Variants in SELENBP1 observed in about 807,000 individuals in gnomAD.
The protein encoded by SELENBP1 is methanethiol oxidase.
In SELENBP1, 71 loss-of-function variants were observed where a neutral mutation model predicts 61.0. The observed-to-expected ratio is 1.16, with a 90% CI of 0.96 to 1.42. The LOEUF is 1.42. Among genes scored for constraint, SELENBP1 ranks in the 40% most tolerant of loss-of-function variants. SELENBP1 has a pLI of 0.00. For synonymous variants in SELENBP1, 270 were observed against 238.9 expected (o/e 1.13, Z -1.20); for missense variants, 561 against 605.0 (o/e 0.93, Z 0.76).
At position 151,366,564 on chromosome 1, in the gene SELENBP1, C is replaced by T. The variant is rs566747517; in HGVS notation, c.665-111G>A. ...AGGTTAAGAAATGGATTGGAGGGATCAGGAAGACGCTTGAGCAATCTGAGC... is the reference window on the plus strand; with the variant it reads ...AGGTTAAGAAATGGATTGGAGGGATTAGGAAGACGCTTGAGCAATCTGAGC... On this transcript the variant is annotated intron_variant, in intron 6 of 11. Coordinates refer to ENST00000368868, the MANE Select transcript of SELENBP1 (RefSeq NM_003944.4). The T allele has an allele frequency of 1.0e-4, 147 of 1,427,036 alleles. 3 individuals are homozygous for T. In the East Asian group the frequency reaches 1.9e-3, roughly 19 times the overall value. The allele number at this position is 1,427,036 out of a possible 1,614,324, so 88.4% of individuals were successfully genotyped here. A position where few individuals can be genotyped will look rare whatever the true frequency, so the allele number is the denominator to read the frequency against.
At chr1:151,369,228 C>T in intron 3 of SELENBP1, 39 bp from the exon 4 acceptor site, 3 of 1,585,062 alleles carry the variant, frequency 1.9e-6, no homozygotes, top group Non-Finnish European at 2.6e-6. Context: ...CCAGGCCACG[C>T]CTCTGTCCAC....
rs1557844920 is a variant in SELENBP1, at chr1:151,368,320, C to G, written c.361-1G>C. The G allele has an allele frequency of 1.2e-6, 2 of 1,613,942 alleles. No homozygotes were observed. Among genetic ancestry groups the G allele is most frequent in the Admixed American group, 1.7e-5 (1 of 60,002 alleles). On this transcript the variant is annotated splice_acceptor_variant, in intron 4 of 11. Transcript: ENST00000368868. LOFTEE classifies it high-confidence loss of function. ...CATGGATGTCCTTGGGCTCAATGAC[C>G]TGGAAGGGGTGGGGAATGGTGTCAG...
At chr1:151,371,815 C>G (rs994871500) in intron 1 of SELENBP1, among the ~76,000 whole-genome samples, 2 of 151,962 alleles carry the variant, frequency 1.3e-5, no homozygotes, top group African/African-American at 4.8e-5. Flanking sequence ...TAGGGTCAGG[C>G]CTGGCATGCC....
chr1:151,366,243 C>T lies in SELENBP1; in HGVS notation c.843+32G>A, dbSNP rs368338290. 3.1e-6 allele frequency: 5 copies of T among 1,599,952 alleles called. No individual in the cohort carries two copies. The African/African-American group carries it at 6.7e-5, about 21-fold the overall frequency. ...TTAGGTAGAGCTGCTGACAAGACTA[C>T]TGGGAGGGGAGGGCCAGAGGGCGTA... On this transcript the variant is annotated intron_variant, in intron 7 of 11. Transcript: ENST00000368868.
rs373280927 is a variant in SELENBP1 at position 151,369,782 on chromosome 1, T to C, written c.5-13A>G. 156 of 1,551,718 alleles carry C rather than the reference T, an allele frequency of 1.0e-4. No individual in the cohort carries two copies. Among genetic ancestry groups the C allele is most frequent in the Non-Finnish European group, 1.3e-4 (153 of 1,147,088 alleles). On this transcript the variant is annotated splice_polypyrimidine_tract_variant and intron_variant, in intron 1 of 11. Coordinates refer to ENST00000368868, the MANE Select transcript of SELENBP1 (RefSeq NM_003944.4). ...CCACATTTCGTAGCTGTGGAAGCAATGGGGCGCATTGGCTGGGCCACGCTC... is the reference window on the plus strand; with the variant it reads ...CCACATTTCGTAGCTGTGGAAGCAACGGGGCGCATTGGCTGGGCCACGCTC...
chr1:151,366,755 G>T lies in SELENBP1; in HGVS notation c.631C>A (p.Arg211=), dbSNP rs199960402. 9 of 1,614,000 alleles carry T rather than the reference G, an allele frequency of 5.6e-6. No individual in the cohort carries two copies. Among genetic ancestry groups the T allele is most frequent in the Non-Finnish European group, 5.9e-6 (7 of 1,180,022 alleles). ...STEWAAPNVL[R]DGFNPADVEA... is the part of the protein sequence containing the mutation. ...ACATCAGCGGGGTTGAAGCCATCTC[G>T]TAAGACATTGGGAGCTGCCCACTCA... Residue 211 remains arginine (R), a synonymous_variant, in exon 6 of 12, where the codon CGA becomes AGA. Coordinates refer to ENST00000368868, the MANE Select transcript of SELENBP1 (RefSeq NM_003944.4).
At chr1:151,365,503 A>C (rs1404859344) in intron 9 of SELENBP1, 60 bp downstream of exon 9, 10 of 1,608,438 alleles carry the variant, frequency 6.2e-6, no homozygotes, top group Non-Finnish European at 7.6e-6. Context: ...CATCCACCCC[A>C]TCCCCAGCTT....
At chr1:151,369,803 C>T (rs369263379) in intron 1 of SELENBP1, 34 bp from the exon 2 acceptor site, 212 of 1,551,620 alleles carry the variant, frequency 1.4e-4, no homozygotes, top group Non-Finnish European at 1.6e-4. Flanking sequence ...GGCTGGGCCA[C>T]GCTCTGGAGG....
chr1:151,366,623 C>A, intron 6 of SELENBP1, 99 bp downstream of exon 6: 2 of 1,477,474 alleles, frequency 1.4e-6, no homozygotes, highest in South Asian at 1.2e-5. Context: ...CTCTTAGATT[C>A]TGGGGCCACA....
Position 151,365,186 on chromosome 1 carries a change from T to C in SELENBP1, c.1137+3A>G. 1 of 1,613,584 alleles carries C rather than the reference T, an allele frequency of 6.2e-7. No individual in the cohort carries two copies. The highest frequency in any genetic ancestry group is 8.5e-7 in the Non-Finnish European group (1 of 1,179,650). On this transcript the variant is annotated splice_donor_region_variant and intron_variant, in intron 10 of 11. Transcript: ENST00000368868. ...TCCAGCAAGTAGGGGGAGAGGCTCT[T>C]ACCTTGACCACTAGGGGCTCTGGCT...
At chr1:151,366,178 G>A (rs148403735) in intron 7 of SELENBP1, 97 bp downstream of exon 7, 620 of 1,436,170 alleles carry the variant, frequency 4.3e-4, no homozygotes, top group African/African-American at 3.2e-3. Flanking sequence ...CATTTTTTTC[G>A]TTCCTGGAGA....
rs771162827 is a variant in SELENBP1, at chr1:151,368,997, G to C, written c.360+7C>G. 2.5e-6 allele frequency: 4 copies of C among 1,606,160 alleles called. No homozygotes were observed. Among genetic ancestry groups the C allele is most frequent in the Non-Finnish European group, 3.4e-6 (4 of 1,173,972 alleles). ...GTCTACTGAGCTGGCAAGGGCAGAG[G>C]ACATGCCTTGTGCAGCTTTGGGGCC... On this transcript the variant is annotated splice_region_variant and intron_variant, in intron 4 of 11. Transcript: ENST00000368868.
chr1:151,370,723 G>C (rs926505544), intron 1 of SELENBP1, among the ~76,000 whole-genome samples: 2 of 152,218 alleles, frequency 1.3e-5, no homozygotes, highest in Non-Finnish European at 2.9e-5. Context: ...ATACCCAGAG[G>C]GGGTGGCAGG....
chr1:151,368,452 T>A, intron 4 of SELENBP1, 133 bp from the exon 5 acceptor site: 1 of 1,273,106 alleles, frequency 7.9e-7, no homozygotes, highest in Non-Finnish European at 1.1e-6. Context: ...ACTCTCCCTG[T>A]GGGAATATGA....
At chr1:151,366,247 G>A (rs1320421607) in intron 7 of SELENBP1, 28 bp downstream of exon 7, 2 of 1,601,756 alleles carry the variant, frequency 1.2e-6, no homozygotes, top group African/African-American at 2.7e-5. Flanking sequence ...AGACTACTGG[G>A]AGGGGAGGGC....
intron 5 of SELENBP1, chr1:151,367,353 A>AC: frequency 6.9e-6 from 1 of 145,606 alleles, no homozygotes; most frequent in African/African-American, 2.6e-5. Flanking sequence ...TCAAAAAAAA[A>AC]AAAAAAAGAG....
At position 151,369,942 on chromosome 1, in the gene SELENBP1, G is replaced by A. The variant is rs777957546; in HGVS notation, c.5-173C>T. On this transcript the variant is annotated intron_variant, in intron 1 of 11. Transcript: ENST00000368868. ...TCCGCCCCCTCAGAGCCCTGAGGAG[G>A]GTGAGGTTGTGCTGGGAAGAGCTGG... 1.1e-5 allele frequency: 16 copies of A among 1,507,172 alleles called. No homozygotes were observed. In the South Asian group the frequency reaches 1.8e-4, roughly 17 times the overall value. The allele number at this position is 1,507,172 out of a possible 1,614,324, so 93.4% of individuals were successfully genotyped here.
chr1:151,369,869 C>T (rs986228498), intron 1 of SELENBP1, 100 bp from the exon 2 acceptor site: 63 of 1,551,012 alleles, frequency 4.1e-5, no homozygotes, highest in Middle Eastern at 1.7e-4. Flanking sequence ...CACGGCAGTG[C>T]GGCTGGCCTA....
intron 9 of SELENBP1, 24 bp from the exon 10 acceptor site, chr1:151,365,305 A>G: frequency 1.9e-6 from 3 of 1,604,334 alleles, no homozygotes; most frequent in Non-Finnish European, 2.6e-6. Flanking sequence ...TGCAGAGTAT[A>G]AGGAGGACCA....
Sources: gnomAD v4.1 joint callset for allele counts (sites outside exome capture counted in the v4.1 genomes callset) on GRCh38, gnomAD v4.1.1 for gene constraint, MANE v1.5 for transcripts, NCBI Gene and HGNC (gene_info 2026-07-23, HGNC 2026-07-21) for gene names.